The following LRRTM4 variants were observed in gnomAD, a reference collection of about 807,000 sequenced individuals.
LRRTM4 encodes the protein leucine rich repeat transmembrane neuronal 4.
In LRRTM4, 25 loss-of-function variants were observed where a neutral mutation model predicts 47.6. The observed-to-expected ratio is 0.53, with a 90% CI of 0.38 to 0.73. The LOEUF (loss-of-function observed/expected upper bound fraction) is 0.73, where lower values mean the gene tolerates loss of function less well. Ranked by LOEUF, LRRTM4 falls within the 30% of genes least tolerant of loss-of-function variation. The probability of loss-of-function intolerance (pLI) is 0.00; values close to 1 mark genes in which losing one functional copy is unlikely to be tolerated. For synonymous variants in LRRTM4, 311 were observed against 269.5 expected, an observed-to-expected ratio of 1.15 and a Z score of -1.51; for missense variants, 638 against 713.4, an observed-to-expected ratio of 0.89 and a Z score of 1.20.
At chr2:77,244,379 T>A (rs1181724892) in intron 3 of LRRTM4, among the ~76,000 whole-genome samples, 3 of 151,964 alleles carry the variant, frequency 2.0e-5, no homozygotes, top group Non-Finnish European at 4.4e-5. Flanking sequence ...TAGTTTACAG[T>A]CCCACCAACA....
At chr2:77,494,068 T>C (rs1464929886) in intron 3 of LRRTM4, among the ~76,000 whole-genome samples, 1 of 152,136 alleles carries the variant, frequency 6.6e-6, no homozygotes, top group Non-Finnish European at 1.5e-5. Context: ...TCCATTGATA[T>C]TGCATAGTTA....
At chr2:76,983,937 T>A (rs1676702878) in intron 3 of LRRTM4, among the ~76,000 whole-genome samples, 1 of 152,092 alleles carries the variant, frequency 6.6e-6, no homozygotes, top group African/African-American at 2.4e-5. Flanking sequence ...TTCATATACT[T>A]TTTTAAAATT....
rs150305619 is a variant in LRRTM4 at position 77,223,835 on chromosome 2, T to C, written c.1551+294483A>G. 7.3e-3 allele frequency among the ~76,000 whole-genome samples: 1,111 copies of C among 152,304 alleles called. 27 individuals are homozygous for C. Among genetic ancestry groups the C allele is most frequent in the East Asian group, 0.058 (303 of 5,186 alleles). Reference sequence around the variant, plus strand: ...ATCCCTATCAAGCTACCAATGACTTTCTTTACAGAATTGGAAAAAACTACT... The same window carrying C: ...ATCCCTATCAAGCTACCAATGACTTCCTTTACAGAATTGGAAAAAACTACT... On this transcript the variant is annotated intron_variant, in intron 3 of 3. Transcript: ENST00000409884.
intron 3 of LRRTM4, among the ~76,000 whole-genome samples, chr2:76,988,971 A>T (rs961207420): frequency 1.3e-5 from 2 of 151,916 alleles, no homozygotes; most frequent in Admixed American, 6.6e-5. Flanking sequence ...AAAACAGTTC[A>T]GGTATTATCA....
intron 3 of LRRTM4, among the ~76,000 whole-genome samples, chr2:76,890,246 T>C (rs1003901363): frequency 6.6e-6 from 1 of 151,948 alleles, no homozygotes; most frequent in Non-Finnish European, 1.5e-5. Flanking sequence ...TGAATTAGAA[T>C]CCAGGTCTCA....
At chr2:77,113,918 C>T (rs1287754204) in intron 3 of LRRTM4, among the ~76,000 whole-genome samples, 1 of 152,042 alleles carries the variant, frequency 6.6e-6, no homozygotes, top group Non-Finnish European at 1.5e-5. Context: ...CTGTCCTATT[C>T]GGGGCCGCGG....
At chr2:77,131,510 C>T (rs974527894) in intron 3 of LRRTM4, among the ~76,000 whole-genome samples, 1 of 152,074 alleles carries the variant, frequency 6.6e-6, no homozygotes, top group Non-Finnish European at 1.5e-5. Context: ...CTTACCTGAA[C>T]CAAAACTGTG....
At chr2:76,976,510 G>T (rs72823137) in intron 3 of LRRTM4, among the ~76,000 whole-genome samples, 19,534 of 151,356 alleles carry the variant, frequency 0.13, 1,528 homozygotes, top group Admixed American at 0.2. Context: ...TAGTCTCTTG[G>T]TTCCTATACA....
intron 3 of LRRTM4, among the ~76,000 whole-genome samples, chr2:77,429,156 T>C (rs527799870): frequency 1.5e-4 from 23 of 152,254 alleles, no homozygotes; most frequent in African/African-American, 5.1e-4. Flanking sequence ...CGGAGCTGTG[T>C]AGGGTAAGAC....
intron 3 of LRRTM4, among the ~76,000 whole-genome samples, chr2:76,975,059 C>A (rs1476193547): frequency 2.6e-5 from 4 of 151,438 alleles, no homozygotes; most frequent in Non-Finnish European, 5.9e-5. Flanking sequence ...CAGTGGTTAA[C>A]AAAAACAAAC....
intron 3 of LRRTM4, among the ~76,000 whole-genome samples, chr2:76,895,557 A>G (rs1426263590): frequency 6.6e-6 from 1 of 152,034 alleles, no homozygotes; most frequent in African/African-American, 2.4e-5. Context: ...CGCAAAAGGA[A>G]ACAGCCAGAC....
rs1020927095 is a variant in LRRTM4, at chr2:77,521,696, C to G, written c.-25G>C. The G allele has an allele frequency of 6.2e-7, 1 of 1,611,908 alleles. No homozygotes were observed. The highest frequency in any genetic ancestry group is 2.2e-5 in the East Asian group (1 of 44,790). ...TCCTTTGTCATCCAAAAACGTTTCC[C>G]CCCTCTCTCAGCTTTCTTCTTATTT... On this transcript the variant is annotated 5_prime_UTR_variant, in exon 2 of 4. Transcript: ENST00000409884.
rs73940297 is a variant in LRRTM4 at position 77,087,280 on chromosome 2, T to C, written c.1552-338364A>G. Among the ~76,000 whole-genome samples, 900 of 152,324 alleles carry C rather than the reference T, an allele frequency of 5.9e-3. 9 individuals carry two copies. The highest frequency in any genetic ancestry group is 0.02 in the African/African-American group (841 of 41,572). On this transcript the variant is annotated intron_variant, in intron 3 of 3. Coordinates refer to ENST00000409884, the MANE Select transcript of LRRTM4 (RefSeq NM_001134745.3). ...ATTGATGAACTAGAAACATTTTTCC[T>C]GTTGACAAATACAAAACTACAAGAG... is the stretch of plus-strand genomic sequence containing the variant.
chr2:77,148,566 A>C (rs1368994627), intron 3 of LRRTM4, among the ~76,000 whole-genome samples: 1 of 152,164 alleles, frequency 6.6e-6, no homozygotes, highest in Non-Finnish European at 1.5e-5. Context: ...AACTTGTTGC[A>C]TCTTCTGTAA....
At chr2:76,999,682 A>C (rs1003917660) in intron 3 of LRRTM4, among the ~76,000 whole-genome samples, 4 of 152,164 alleles carry the variant, frequency 2.6e-5, no homozygotes, top group African/African-American at 9.7e-5. Flanking sequence ...AACAATCTAC[A>C]TGTATCTGGC....
chr2:77,210,956 C>G (rs1484974921), intron 3 of LRRTM4, among the ~76,000 whole-genome samples: 1 of 152,038 alleles, frequency 6.6e-6, no homozygotes, highest in Non-Finnish European at 1.5e-5. Context: ...CCGCCCATTA[C>G]CTGGAATGTG....
intron 3 of LRRTM4, among the ~76,000 whole-genome samples, chr2:77,011,584 G>C (rs1677878378): frequency 6.8e-6 from 1 of 146,830 alleles, no homozygotes. Context: ...TGTGTAGAAT[G>C]AAGAAAATGT....
chr2:77,014,582 T>C (rs964571795), intron 3 of LRRTM4, among the ~76,000 whole-genome samples: 6 of 151,348 alleles, frequency 4.0e-5, no homozygotes, highest in African/African-American at 1.5e-4. Flanking sequence ...GAGGCTGAGG[T>C]AGGCAGATCG....
At chr2:77,135,295 G>T (rs891661798) in intron 3 of LRRTM4, among the ~76,000 whole-genome samples, 1 of 152,180 alleles carries the variant, frequency 6.6e-6, no homozygotes, top group African/African-American at 2.4e-5. Context: ...GAGAGCTGAG[G>T]AACTCCTCCA....
Sources: gnomAD v4.1 joint callset for allele counts (sites outside exome capture counted in the v4.1 genomes callset) on GRCh38, gnomAD v4.1.1 for gene constraint, MANE v1.5 for transcripts, NCBI Gene and HGNC (gene_info 2026-07-23, HGNC 2026-07-21) for gene names.